TMTC3: variants seen among roughly 807,000 people sequenced by gnomAD.
TMTC3 encodes the protein protein O-mannosyl-transferase TMTC3.
In TMTC3, 52 loss-of-function variants were observed where a neutral mutation model predicts 92.2. The ratio of observed to expected loss-of-function variants is 0.56; its 90% confidence interval spans 0.45 to 0.71. The LOEUF is 0.71. Among genes scored for constraint, TMTC3 ranks in the 30% least tolerant of loss-of-function variants. The pLI is 0.00. For synonymous variants in TMTC3, 339 were observed against 363.3 expected, an observed-to-expected ratio of 0.93 and a Z score of 0.76; for missense variants, 896 against 1,057.1, an observed-to-expected ratio of 0.85 and a Z score of 2.11.
At chr12:88,169,344 TA>T (rs1309543047) in intron 7 of TMTC3, among the ~76,000 whole-genome samples, 8 of 150,510 alleles carry the variant, frequency 5.3e-5, no homozygotes, top group South Asian at 2.1e-4. Flanking sequence ...AAAGAAAGGT[TA>T]AAAAAAAAGG....
intron 2 of TMTC3, 104 bp downstream of exon 2, chr12:88,148,608 C>T: frequency 1.2e-6 from 1 of 868,122 alleles, no homozygotes; most frequent in Non-Finnish European, 1.7e-6. Context: ...ACAACAGTTA[C>T]AGATTTTTAA....
In TMTC3 at chr12:88,164,209, AAAG is replaced by A. The variant is rs1377642769; in HGVS notation, c.798-2118_798-2116del. Among the ~76,000 whole-genome samples, 311 of 151,346 alleles carry A rather than the reference AAAG, an allele frequency of 2.1e-3. 1 individual carries two copies. The highest frequency in any genetic ancestry group is 3.5e-3 in the Non-Finnish European group (236 of 67,718). ...TGTCTCAAAAAAAAAAAAAAAAAAA[AAAG>A]AACTCATCAATATTGAAAACTGGAG... On this transcript the variant is annotated intron_variant, in intron 6 of 13. Coordinates refer to ENST00000266712, the MANE Select transcript of TMTC3 (RefSeq NM_181783.4).
At chr12:88,172,885 C>G in intron 8 of TMTC3, 140 bp downstream of exon 8, 1 of 1,502,972 alleles carries the variant, frequency 6.7e-7, no homozygotes, top group South Asian at 1.2e-5. Context: ...CCTCATTTGT[C>G]TTGTAAGTCA....
At chr12:88,187,548 G>A (rs1443781985) in intron 10 of TMTC3, among the ~76,000 whole-genome samples, 4 of 152,008 alleles carry the variant, frequency 2.6e-5, no homozygotes, top group African/African-American at 7.2e-5. Context: ...CTGGCTCCAT[G>A]AGACTCAGCA....
intron 4 of TMTC3, among the ~76,000 whole-genome samples, chr12:88,158,283 A>G (rs2041033499): frequency 6.6e-6 from 1 of 151,866 alleles, no homozygotes; most frequent in Non-Finnish European, 1.5e-5. Context: ...TGCTTAGCTT[A>G]CTCTCACCCC....
chr12:88,154,473 C>A, intron 4 of TMTC3, 86 bp downstream of exon 4: 2 of 761,346 alleles, frequency 2.6e-6, no homozygotes, highest in Non-Finnish European at 2.1e-6. Flanking sequence ...TCTTATAACA[C>A]ATTATATACC....
chr12:88,143,224 G>T (rs1251893537), intron 1 of TMTC3, among the ~76,000 whole-genome samples: 1 of 148,668 alleles, frequency 6.7e-6, no homozygotes, highest in African/African-American at 2.5e-5. Flanking sequence ...TTTTCCTTTC[G>T]AAAATAAGTA....
chr12:88,148,154 T>G (rs566841614), intron 1 of TMTC3, 134 bp from the exon 2 acceptor site: 112 of 579,648 alleles, frequency 1.9e-4, no homozygotes, highest in Non-Finnish European at 3.1e-4. Flanking sequence ...TAGCTTATGC[T>G]TCTTAGAAGT....
intron 2 of TMTC3, among the ~76,000 whole-genome samples, chr12:88,149,578 T>C (rs1467687683): frequency 6.6e-6 from 1 of 152,100 alleles, no homozygotes; most frequent in Non-Finnish European, 1.5e-5. Context: ...TGAATTATTT[T>C]ATCTACACTA....
chr12:88,161,188 T>C (rs913648116), intron 6 of TMTC3, among the ~76,000 whole-genome samples: 1 of 152,278 alleles, frequency 6.6e-6, no homozygotes, highest in East Asian at 1.9e-4. Flanking sequence ...ACTATACTTG[T>C]AGATTTCGCT....
chr12:88,198,453 T>G lies in TMTC3; in HGVS notation c.*2804T>G, dbSNP rs1461405937. ...GGGCAGTGTTACCTTACTCCTTCAC[T>G]GCTTCTTAGAAGGTAGAATTAAGTT... On this transcript the variant is annotated 3_prime_UTR_variant, in exon 14 of 14. Coordinates refer to ENST00000266712, the MANE Select transcript of TMTC3 (RefSeq NM_181783.4). The G allele has an allele frequency of 2.5e-6, 1 of 398,004 alleles. No individual in the cohort carries two copies. Among genetic ancestry groups the G allele is most frequent in the African/African-American group, 2.1e-5 (1 of 48,630 alleles). The allele number at this position is 398,004 out of a possible 1,614,324, so 24.7% of individuals were successfully genotyped here. A position where few individuals can be genotyped will look rare whatever the true frequency, so the allele number is the denominator to read the frequency against.
At chr12:88,151,618 C>T (rs186734162) in intron 2 of TMTC3, among the ~76,000 whole-genome samples, 61 of 152,158 alleles carry the variant, frequency 4.0e-4, no homozygotes, top group African/African-American at 1.2e-3. Context: ...TTGGTCATCA[C>T]CTATAGTATA....
Position 88,196,582 on chromosome 12 carries a change from A to ATTCT in TMTC3, c.*935_*938dup, listed in dbSNP as rs1359776199. On this transcript the variant is annotated 3_prime_UTR_variant, in exon 14 of 14. Coordinates refer to ENST00000266712, the MANE Select transcript of TMTC3 (RefSeq NM_181783.4). ...TTGTTTCCAAAGTCACAATTGAATT[A>ATTCT]TTCTTAGATACCTTAAGCCACTGAA... 6.6e-6 allele frequency: 1 copy of ATTCT among 151,922 alleles called. No individual in the cohort carries two copies. Among genetic ancestry groups the ATTCT allele is most frequent in the Non-Finnish European group, 1.5e-5 (1 of 67,848 alleles). The allele number at this position is 151,922 out of a possible 1,614,324, so 9.4% of individuals were successfully genotyped here.
chr12:88,158,429 A>AT (rs113914121), intron 4 of TMTC3, among the ~76,000 whole-genome samples: 3,753 of 152,030 alleles, frequency 0.025, 141 homozygotes, highest in African/African-American at 0.083. Context: ...TGAATTTAGC[A>AT]TTGTAGTGTA....
In TMTC3 at chr12:88,160,716, T is replaced by G. The variant is rs1226631885; in HGVS notation, c.662T>G (p.Phe221Cys). The G allele has an allele frequency of 1.9e-6, 3 of 1,613,692 alleles. No individual in the cohort carries two copies. Among genetic ancestry groups the G allele is most frequent in the Non-Finnish European group, 1.7e-6 (2 of 1,179,770 alleles). The change falls in exon 6 of 14, where the codon TTT becomes TGT. Residue 221 changes from phenylalanine (F) to cysteine (C), a missense_variant. Phe to Cys is a radical substitution (Grantham distance 205). Coordinates refer to ENST00000266712, the MANE Select transcript of TMTC3 (RefSeq NM_181783.4). ...TTACTATGTACTACTGCTGGACAGT[T>G]TCTCCGTGGAAAGGGTAGCATTCCA... is the stretch of plus-strand genomic sequence containing the variant. The part of the protein sequence containing the change: ...LPLLCTTAGQ[F>C]LRGKGSIPFS...
At chr12:88,184,072 G>A (rs974825650) in intron 10 of TMTC3, among the ~76,000 whole-genome samples, 3 of 152,104 alleles carry the variant, frequency 2.0e-5, no homozygotes, top group African/African-American at 7.2e-5. Flanking sequence ...CCGAGTGATG[G>A]ATGAAAGAAG....
intron 1 of TMTC3, among the ~76,000 whole-genome samples, chr12:88,143,285 A>C (rs1163515673): frequency 6.6e-6 from 1 of 152,216 alleles, no homozygotes; most frequent in Non-Finnish European, 1.5e-5. Flanking sequence ...AGCTCAGTAC[A>C]AAATAAAAAG....
intron 7 of TMTC3, among the ~76,000 whole-genome samples, chr12:88,169,257 A>G (rs917221222): frequency 2.0e-5 from 3 of 152,206 alleles, no homozygotes; most frequent in Admixed American, 1.3e-4. Flanking sequence ...GACTTTCTCT[A>G]GCAGTGCGTT....
intron 12 of TMTC3, among the ~76,000 whole-genome samples, chr12:88,192,028 C>CTTTTTTT (rs112229647): frequency 0.11 from 13,360 of 122,642 alleles, 1,394 homozygotes; most frequent in African/African-American, 0.27. Context: ...TTTTTTTTTT[C>CTTTTTTT]TTTTTTTTTT....
Sources: allele counts gnomAD v4.1 joint callset (sites outside exome capture counted in the v4.1 genomes callset), GRCh38; gene constraint gnomAD v4.1.1; transcripts MANE v1.5; gene names NCBI Gene and HGNC (gene_info 2026-07-23, HGNC 2026-07-21).